The following NOL10 variants were observed in gnomAD, a reference collection of about 807,000 sequenced individuals.
NOL10 encodes H_NH0074G24.1.
NOL10 carries 58 observed loss-of-function variants against 103.5 expected under a neutral mutation model. That is an observed-to-expected ratio of 0.56 (90% CI 0.45 to 0.70). The LOEUF (loss-of-function observed/expected upper bound fraction) is 0.70. Ranked by LOEUF, NOL10 falls within the 30% of genes least tolerant of loss-of-function variation. NOL10 has a pLI of 0.00. For synonymous variants in NOL10, 287 were observed against 282.5 expected, an observed-to-expected ratio of 1.02 and a Z score of -0.16; for missense variants, 763 against 807.3, an observed-to-expected ratio of 0.95 and a Z score of 0.67.
At chr2:10,602,920 G>A in intron 15 of NOL10, 46 bp from the exon 16 acceptor site, 2 of 1,392,378 alleles carry the variant, frequency 1.4e-6, no homozygotes, top group Non-Finnish European at 2.0e-6. Flanking sequence ...ATGGTATTTG[G>A]TAATATCATT....
chr2:10,608,967 C>T (rs954043303), intron 13 of NOL10, among the ~76,000 whole-genome samples: 4 of 152,060 alleles, frequency 2.6e-5, no homozygotes, highest in Non-Finnish European at 4.4e-5. Context: ...GACAAACCTT[C>T]AAGAAATGCA....
chr2:10,633,813 G>A (rs201045248), intron 13 of NOL10, among the ~76,000 whole-genome samples: 210 of 115,670 alleles, frequency 1.8e-3, no homozygotes, highest in Admixed American at 6.4e-3. Flanking sequence ...GTGTGTGTGT[G>A]TATATATATA....
chr2:10,598,708 T>C (rs1048899221), intron 17 of NOL10, among the ~76,000 whole-genome samples: 1 of 152,150 alleles, frequency 6.6e-6, no homozygotes, highest in African/African-American at 2.4e-5. Context: ...AGTATGACAA[T>C]TTGCTGAGGC....
At chr2:10,612,044 G>A (rs1450810046) in intron 13 of NOL10, among the ~76,000 whole-genome samples, 2 of 152,084 alleles carry the variant, frequency 1.3e-5, no homozygotes, top group Admixed American at 1.3e-4. Context: ...GATCCCTTAA[G>A]CCCAGGATTT....
intron 13 of NOL10, among the ~76,000 whole-genome samples, chr2:10,615,346 T>TA (rs772612520): frequency 4.6e-5 from 7 of 151,718 alleles, no homozygotes; most frequent in East Asian, 3.9e-4. Flanking sequence ...AAGGCCAAGT[T>TA]AAAAAAAAAT....
At position 10,644,365 on chromosome 2, in the gene NOL10, A is replaced by G. The variant is rs3732111; in HGVS notation, c.981T>C (p.Leu327=). The change falls in exon 13 of 21, where the codon CTT becomes CTC. Residue 327 remains leucine (L), a synonymous_variant. Transcript: ENST00000381685. ...TCTTGGGGGTTTCATTGGCCGTCAG[A>G]AGCATGCCTAAAAATAAATACAATG... is the stretch of plus-strand genomic sequence containing the variant. ...DVCLYPNSGM[L]LTANETPKMG... The G allele has an allele frequency of 0.13, 206,592 of 1,531,624 alleles. 18,382 individuals are homozygous for G. Among genetic ancestry groups the G allele is most frequent in the East Asian group, 0.38 (14,832 of 39,362 alleles). 94.9% of individuals were successfully genotyped at this position (1,531,624 alleles called of 1,614,324 possible).
At chr2:10,668,487 C>G (rs1026519277) in intron 7 of NOL10, among the ~76,000 whole-genome samples, 171 bp downstream of exon 7, 1 of 152,124 alleles carries the variant, frequency 6.6e-6, no homozygotes, top group African/African-American at 2.4e-5. Flanking sequence ...AAAGTAATCA[C>G]CAGATCTTTC....
At chr2:10,591,925 C>T (rs986550603) in intron 17 of NOL10, among the ~76,000 whole-genome samples, 1 of 152,098 alleles carries the variant, frequency 6.6e-6, no homozygotes, top group Non-Finnish European at 1.5e-5. Flanking sequence ...ATCGCTTGAG[C>T]CTGGGAAGTC....
chr2:10,606,248 T>C (rs1340430182), intron 14 of NOL10, among the ~76,000 whole-genome samples: 1 of 151,194 alleles, frequency 6.6e-6, no homozygotes, highest in Non-Finnish European at 1.5e-5. Context: ...TTTGCCTCAG[T>C]TTCCTTATCT....
intron 12 of NOL10, among the ~76,000 whole-genome samples, chr2:10,647,137 C>T (rs905164566): frequency 2.6e-5 from 4 of 152,112 alleles, no homozygotes; most frequent in Admixed American, 6.5e-5. Flanking sequence ...ATATCAGCAC[C>T]TGGAGTCAAA....
intron 11 of NOL10, among the ~76,000 whole-genome samples, chr2:10,656,266 A>G (rs943044946): frequency 6.6e-6 from 1 of 152,246 alleles, no homozygotes; most frequent in African/African-American, 2.4e-5. Context: ...AAAAGAGCAG[A>G]GAAAGTTCTG....
At chr2:10,625,976 T>C (rs549113594) in intron 13 of NOL10, among the ~76,000 whole-genome samples, 4 of 152,008 alleles carry the variant, frequency 2.6e-5, no homozygotes, top group African/African-American at 9.6e-5. Flanking sequence ...GAGTTCAAGA[T>C]CAGCCTGGGC....
At chr2:10,606,084 T>A (rs964535336) in intron 14 of NOL10, among the ~76,000 whole-genome samples, 1 of 152,106 alleles carries the variant, frequency 6.6e-6, no homozygotes, top group African/African-American at 2.4e-5. Context: ...CACCATCTAC[T>A]CTAACCTAGA....
intron 17 of NOL10, among the ~76,000 whole-genome samples, chr2:10,598,792 A>G (rs1043063988): frequency 1.0e-4 from 10 of 95,578 alleles, no homozygotes; most frequent in Non-Finnish European, 2.0e-4. Flanking sequence ...TACTATTGAC[A>G]AAAGAAATAA....
chr2:10,650,646 C>G (rs1000590886), intron 12 of NOL10, among the ~76,000 whole-genome samples: 1 of 152,090 alleles, frequency 6.6e-6, no homozygotes, highest in African/African-American at 2.4e-5. Flanking sequence ...GTAGCCTCAG[C>G]TACTCAGGAG....
intron 13 of NOL10, among the ~76,000 whole-genome samples, chr2:10,634,309 TG>T (rs1012657463): frequency 1.3e-5 from 2 of 152,162 alleles, no homozygotes; most frequent in South Asian, 2.1e-4. Context: ...AAACAGCTGA[TG>T]GACTGGATGA....
chr2:10,636,046 C>T (rs1678185808), intron 13 of NOL10, among the ~76,000 whole-genome samples: 1 of 152,054 alleles, frequency 6.6e-6, no homozygotes. Context: ...CCAAAGCATG[C>T]TCAGCTATTT....
chr2:10,576,995 ATTT>A (rs550210070), intron 20 of NOL10, among the ~76,000 whole-genome samples: 1 of 152,150 alleles, frequency 6.6e-6, no homozygotes, highest in Non-Finnish European at 1.5e-5. Flanking sequence ...TGAGAAAAAA[ATTT>A]TTTGAGAAAT....
intron 17 of NOL10, among the ~76,000 whole-genome samples, chr2:10,598,616 T>A (rs1452700875): frequency 6.6e-6 from 1 of 152,132 alleles, no homozygotes; most frequent in East Asian, 1.9e-4. Flanking sequence ...AAACTTTACA[T>A]GAAAGGAACT....
Sources: allele counts gnomAD v4.1 joint callset (sites outside exome capture counted in the v4.1 genomes callset), GRCh38; gene constraint gnomAD v4.1.1; transcripts MANE v1.5; gene names NCBI Gene and HGNC (gene_info 2026-07-23, HGNC 2026-07-21).